Variants in SEC14L5 observed in about 807,000 individuals in gnomAD.
SEC14L5 encodes the protein SEC14 like lipid binding 5.
SEC14L5 carries 96 observed loss-of-function variants against 84.6 expected under a neutral mutation model. The ratio of observed to expected loss-of-function variants is 1.13; its 90% CI spans 0.96 to 1.34. The LOEUF is 1.34. Ranked by LOEUF, SEC14L5 falls within the 40% of genes most tolerant of loss-of-function variation. SEC14L5 has a pLI of 0.00. For synonymous variants in SEC14L5, 546 were observed against 383.4 expected, an observed-to-expected ratio of 1.42 and a Z score of -4.95; for missense variants, 1,224 against 942.5, an observed-to-expected ratio of 1.30 and a Z score of -3.91.
intron 2 of SEC14L5, among the ~76,000 whole-genome samples, chr16:4,982,268 G>A (rs1175814698): frequency 2.6e-5 from 4 of 152,126 alleles, no homozygotes; most frequent in Non-Finnish European, 5.9e-5. Context: ...GGAGGTGTCT[G>A]TCCTCAGATG....
In SEC14L5 at chr16:5,007,481, C is replaced by G. The variant is rs769884988; in HGVS notation, c.1567C>G (p.His523Asp). The change falls in exon 13 of 16, where the codon CAC becomes GAC. Residue 523 changes from histidine to aspartate, a missense_variant. By Grantham distance (81) the His-to-Asp change is moderately conservative. Transcript: ENST00000251170. ...AGCCAGCGTGCTCCGCGGAGCCCCC[C>G]ACGAGGTGCCAGGGCCTGGCCGGGG... is the stretch of plus-strand genomic sequence containing the variant. Reference protein sequence around the residue: ...HSASVLRGAPHEVAVEILEGE... With the variant: ...HSASVLRGAPDEVAVEILEGE... 3 of 1,613,220 alleles carry G rather than the reference C, an allele frequency of 1.9e-6. No homozygotes were observed. Among genetic ancestry groups the G allele is most frequent in the East Asian group, 2.2e-5 (1 of 44,854 alleles).
intron 2 of SEC14L5, 33 bp from the exon 3 acceptor site, chr16:4,987,524 C>G (rs770569927): frequency 5.9e-6 from 9 of 1,514,174 alleles, no homozygotes; most frequent in South Asian, 2.5e-5. Context: ...CTGCCCCCCC[C>G]ACCACGGCCG....
chr16:5,009,971 A>T (rs1335526235), intron 14 of SEC14L5, among the ~76,000 whole-genome samples: 1 of 151,896 alleles, frequency 6.6e-6, no homozygotes, highest in Admixed American at 6.6e-5. Context: ...TTTGGATAGA[A>T]GGGGAGGTGC....
intron 2 of SEC14L5, among the ~76,000 whole-genome samples, chr16:4,961,503 A>G (rs1331262283): frequency 6.6e-6 from 1 of 151,894 alleles, no homozygotes; most frequent in Non-Finnish European, 1.5e-5. Flanking sequence ...TAATTTTTGT[A>G]TTTTCAGTAT....
At chr16:4,998,775 C>T (rs1012468176) in intron 8 of SEC14L5, among the ~76,000 whole-genome samples, 2 of 146,648 alleles carry the variant, frequency 1.4e-5, no homozygotes, top group African/African-American at 5.0e-5. Context: ...AATAAACGTT[C>T]ATCTATATCA....
chr16:5,000,891 G>T lies in SEC14L5; in HGVS notation c.1096G>T (p.Glu366Ter), dbSNP rs765443934. 8.7e-6 allele frequency: 14 copies of T among 1,609,328 alleles called. No homozygotes were observed. The highest frequency in any genetic ancestry group is 1.2e-5 in the Non-Finnish European group (14 of 1,177,960). The change falls in exon 10 of 16, where the codon GAG (glutamate) becomes TAG (stop). Residue 366 changes from glutamate (E) to a stop codon, truncating the protein, a stop_gained. Transcript: ENST00000251170. LOFTEE classifies it high-confidence loss of function. ...CAACGAGGAAGGACAGAAGCGGTGT[G>T]AGGGGAGCACAAGGCAGCTGGGCCG... ...SVNEEGQKRC[E>*]GSTRQLGRPI...
At chr16:5,014,744 G>C (rs528538115) in intron 15 of SEC14L5, 115 bp from the exon 16 acceptor site, 11 of 726,002 alleles carry the variant, frequency 1.5e-5, no homozygotes, top group Non-Finnish European at 2.3e-5. Flanking sequence ...CCTTTGCATC[G>C]GCCTGGGGCC....
intron 8 of SEC14L5, among the ~76,000 whole-genome samples, chr16:5,000,087 T>G (rs542030650): frequency 6.6e-6 from 1 of 152,050 alleles, no homozygotes; most frequent in Non-Finnish European, 1.5e-5. Flanking sequence ...GGTCAGGAGT[T>G]TGAGACCAGC....
intron 2 of SEC14L5, among the ~76,000 whole-genome samples, chr16:4,976,305 C>T (rs1449634871): frequency 6.6e-6 from 1 of 152,170 alleles, no homozygotes; most frequent in African/African-American, 2.4e-5. Context: ...GAGATCCCAA[C>T]CCAGGCCCCA....
chr16:4,975,210 C>T (rs1298286478), intron 2 of SEC14L5, among the ~76,000 whole-genome samples: 3 of 152,056 alleles, frequency 2.0e-5, no homozygotes, highest in African/African-American at 7.2e-5. Context: ...TATTTTGTCA[C>T]GCCTGTAATC....
At chr16:5,009,182 C>G (rs189066261) in intron 14 of SEC14L5, among the ~76,000 whole-genome samples, 4 of 152,132 alleles carry the variant, frequency 2.6e-5, no homozygotes. Context: ...TGGGTAGATG[C>G]ATCACCCCAA....
At chr16:4,984,198 A>T (rs73510415) in intron 2 of SEC14L5, among the ~76,000 whole-genome samples, 2 of 151,810 alleles carry the variant, frequency 1.3e-5, no homozygotes, top group Non-Finnish European at 2.9e-5. Flanking sequence ...CTCTTTCCTC[A>T]CCACTCCTGG....
At chr16:4,993,183 T>G (rs994868371) in intron 6 of SEC14L5, among the ~76,000 whole-genome samples, 2 of 152,074 alleles carry the variant, frequency 1.3e-5, no homozygotes, top group Admixed American at 1.3e-4. Context: ...GCTGGGACTA[T>G]ATAGGCACAG....
chr16:4,991,738 C>T (rs967883171), intron 5 of SEC14L5, 100 bp from the exon 6 acceptor site: 1 of 715,674 alleles, frequency 1.4e-6, no homozygotes, highest in East Asian at 3.0e-5. Flanking sequence ...CGTGTCGGGG[C>T]TGGGACCTGA....
intron 2 of SEC14L5, among the ~76,000 whole-genome samples, chr16:4,979,111 C>G (rs1302193177): frequency 6.6e-6 from 1 of 152,140 alleles, no homozygotes; most frequent in East Asian, 1.9e-4. Flanking sequence ...CATGGTCAAG[C>G]TGGGGAGACA....
At chr16:4,988,497 T>A (rs1448377062) in intron 4 of SEC14L5, among the ~76,000 whole-genome samples, 1 of 152,242 alleles carries the variant, frequency 6.6e-6, no homozygotes, top group Admixed American at 6.5e-5. Context: ...GGGATATACT[T>A]ATACTCAAAT....
intron 4 of SEC14L5, among the ~76,000 whole-genome samples, chr16:4,988,747 A>G (rs1955522433): frequency 6.6e-6 from 1 of 152,224 alleles, no homozygotes; most frequent in Admixed American, 6.5e-5. Context: ...CGTAAATGTT[A>G]CCTTTGACTA....
rs1460406333 is a variant in SEC14L5, at chr16:4,958,991, C to T, written c.-51-282C>T. Among the ~76,000 whole-genome samples the T allele has an allele frequency of 4.1e-5, 6 of 144,640 alleles. No homozygotes were observed. In the East Asian group the frequency reaches 5.9e-4, roughly 14 times the overall value. The allele number at this position is 144,640 out of a possible 152,430, so 94.9% of individuals were successfully genotyped here. ...ATGTGTGTGTGTCTGTGTGGGTGGC[C>T]GTAAGGCTTCTGGGGGCCCTCAGTG... On this transcript the variant is annotated intron_variant, in intron 1 of 15. Transcript: ENST00000251170.
rs78618687 is a variant in SEC14L5 at position 5,008,326 on chromosome 16, C to G, written c.1573-95C>G. 11,393 of 870,484 alleles carry G rather than the reference C, an allele frequency of 0.013. 709 individuals are homozygous for G. The African/African-American group carries it at 0.15, about 11-fold the overall frequency. 53.9% of individuals were successfully genotyped at this position (870,484 alleles called of 1,614,324 possible). A position where few individuals can be genotyped will look rare whatever the true frequency, so the allele number is the denominator to read the frequency against. The stretch of plus-strand genomic sequence containing the variant: ...GAGCGTGTGCCTGGGAAAGGAGACC[C>G]CAGGGGGCACCCACAGCCCCTCCTG... On this transcript the variant is annotated intron_variant, in intron 13 of 15. Transcript: ENST00000251170.
Sources: allele counts gnomAD v4.1 joint callset (sites outside exome capture counted in the v4.1 genomes callset), GRCh38; gene constraint gnomAD v4.1.1; transcripts MANE v1.5; gene names NCBI Gene and HGNC (gene_info 2026-07-23, HGNC 2026-07-21).